Variants in ATG5 observed in about 807,000 individuals in gnomAD.
ATG5 encodes autophagy protein 5.
In ATG5, 14 loss-of-function variants were observed where a neutral mutation model predicts 36.5. That is an observed-to-expected ratio of 0.38 (90% CI 0.25 to 0.60). The LOEUF is 0.60. Ranked by LOEUF, ATG5 falls within the 20% of genes least tolerant of loss-of-function variation. The pLI, the probability that ATG5 is intolerant of heterozygous loss-of-function variation, is 0.60. For missense variants in ATG5, 195 were observed against 326.7 expected (o/e 0.60, Z 3.11); for synonymous variants, 95 against 101.5 (o/e 0.94, Z 0.38).
chr6:106,228,784 T>A (rs1260211117), intron 6 of ATG5, among the ~76,000 whole-genome samples: 1 of 152,200 alleles, frequency 6.6e-6, no homozygotes, highest in African/African-American at 2.4e-5. Context: ...TTAAAAACGA[T>A]TAGCATGGCC....
Position 106,317,263 on chromosome 6 carries a change from T to A in ATG5, c.-58-997A>T, listed in dbSNP as rs534566110. The stretch of plus-strand genomic sequence containing the variant: ...TGGATACTAAGATTCAATATACTTA[T>A]CCAAATAATATTTCTCATCTTTGAT... On this transcript the variant is annotated intron_variant, in intron 1 of 7. Coordinates refer to ENST00000369076, the MANE Select transcript of ATG5 (RefSeq NM_004849.4). Among the ~76,000 whole-genome samples the A allele has an allele frequency of 5.9e-5, 9 of 152,336 alleles. No individual in the cohort carries two copies. In the East Asian group the frequency reaches 1.7e-3, roughly 29 times the overall value.
chr6:106,313,359 T>C (rs1770723314), intron 2 of ATG5, among the ~76,000 whole-genome samples: 1 of 152,178 alleles, frequency 6.6e-6, no homozygotes, highest in African/African-American at 2.4e-5. Context: ...GACATAGTCA[T>C]AGTGGAATAG....
intron 7 of ATG5, among the ~76,000 whole-genome samples, chr6:106,189,598 G>A (rs1350979224): frequency 2.0e-5 from 3 of 150,460 alleles, no homozygotes; most frequent in African/African-American, 7.3e-5. Flanking sequence ...TACAGCATGG[G>A]TAACAAGTGA....
intron 6 of ATG5, among the ~76,000 whole-genome samples, chr6:106,225,066 A>C (rs1194109366): frequency 6.6e-6 from 1 of 152,278 alleles, no homozygotes; most frequent in African/African-American, 2.4e-5. Flanking sequence ...AACATCTAAT[A>C]ATTCCAGCTA....
At chr6:106,289,851 T>C (rs1379870820) in intron 4 of ATG5, among the ~76,000 whole-genome samples, 1 of 152,190 alleles carries the variant, frequency 6.6e-6, no homozygotes, top group African/African-American at 2.4e-5. Flanking sequence ...AACCAATGGA[T>C]TACCTTAAAC....
At chr6:106,298,945 T>C (rs1026357419) in intron 3 of ATG5, among the ~76,000 whole-genome samples, 1 of 152,242 alleles carries the variant, frequency 6.6e-6, no homozygotes, top group Non-Finnish European at 1.5e-5. Context: ...TTTGTACAAG[T>C]CTTCTAAACA....
At chr6:106,247,969 C>T (rs531702742) in intron 6 of ATG5, among the ~76,000 whole-genome samples, 181 bp downstream of exon 6, 4 of 152,314 alleles carry the variant, frequency 2.6e-5, no homozygotes, top group African/African-American at 7.2e-5. Context: ...GTACCAAATG[C>T]ATATGAGTCA....
chr6:106,293,093 C>A lies in ATG5; in HGVS notation c.250G>T (p.Gly84Cys). The change falls in exon 4 of 8, where the codon GGT becomes TGT. Residue 84 changes from glycine (G) to cysteine (C), a missense_variant. Gly to Cys is a radical substitution (Grantham distance 159, BLOSUM62 -3). Transcript: ENST00000369076. The stretch of plus-strand genomic sequence containing the variant: ...GATGCAAGAAGATCAAATAGCAAAC[C>A]AATTGGATAATGCCTAAAAATGAAA... ...GTPLKWHYPI[G>C]LLFDLLASSS... is the part of the protein sequence containing the mutation. 6.2e-7 allele frequency: 1 copy of A among 1,612,832 alleles called. No individual in the cohort carries two copies. The highest frequency in any genetic ancestry group is 1.3e-5 in the African/African-American group (1 of 75,012).
intron 6 of ATG5, among the ~76,000 whole-genome samples, chr6:106,209,639 T>G (rs550807893): frequency 6.6e-6 from 1 of 152,308 alleles, no homozygotes; most frequent in South Asian, 2.1e-4. Flanking sequence ...TGATAAAGAT[T>G]GCATAGAACT....
chr6:106,202,985 G>C (rs964505410), intron 6 of ATG5, among the ~76,000 whole-genome samples: 1 of 152,098 alleles, frequency 6.6e-6, no homozygotes, highest in Non-Finnish European at 1.5e-5. Context: ...CCATCTAATG[G>C]TTGAGAGAGA....
chr6:106,310,952 A>C (rs919256068), intron 2 of ATG5, among the ~76,000 whole-genome samples: 1 of 152,234 alleles, frequency 6.6e-6, no homozygotes, highest in Non-Finnish European at 1.5e-5. Flanking sequence ...CCCTAGTATA[A>C]AGTATTCCAT....
chr6:106,279,694 C>CT lies in ATG5; in HGVS notation c.444dup (p.Asp149ArgfsTer12). The CT allele has an allele frequency of 1.2e-6, 2 of 1,602,100 alleles. No homozygotes were observed. Among genetic ancestry groups the CT allele is most frequent in the South Asian group, 2.3e-5 (2 of 87,870 alleles). ...AATCCCATCCAGAGTTGCTTGTGAT[C>CT]TTTTTTCTGCATTTCATTGATTACT... is the stretch of plus-strand genomic sequence containing the variant. On this transcript the variant is annotated frameshift_variant, in exon 5 of 8. Coordinates refer to ENST00000369076, the MANE Select transcript of ATG5 (RefSeq NM_004849.4). LOFTEE classifies it high-confidence loss of function.
intron 6 of ATG5, among the ~76,000 whole-genome samples, chr6:106,241,126 C>T (rs1778107517): frequency 6.6e-6 from 1 of 152,172 alleles, no homozygotes; most frequent in Non-Finnish European, 1.5e-5. Flanking sequence ...GCATTCCAGT[C>T]CAGGTGACAG....
chr6:106,216,930 T>C (rs1443128933), intron 6 of ATG5, among the ~76,000 whole-genome samples: 3 of 151,564 alleles, frequency 2.0e-5, no homozygotes, highest in Non-Finnish European at 4.4e-5. Flanking sequence ...ACCTCTGTAG[T>C]ATTGAGATTA....
chr6:106,290,769 T>C (rs1163674399), intron 4 of ATG5, among the ~76,000 whole-genome samples: 3 of 152,236 alleles, frequency 2.0e-5, no homozygotes, highest in East Asian at 1.9e-4. Context: ...CATCTGGAAA[T>C]GTTCACTGAT....
intron 5 of ATG5, among the ~76,000 whole-genome samples, chr6:106,263,106 C>T (rs1779091802): frequency 6.6e-6 from 1 of 152,236 alleles, no homozygotes. Flanking sequence ...TTGAAACTCT[C>T]ACTGCCAGCA....
chr6:106,197,000 AC>A (rs931054023), intron 7 of ATG5, among the ~76,000 whole-genome samples: 2 of 151,996 alleles, frequency 1.3e-5, no homozygotes, highest in Non-Finnish European at 2.9e-5. Context: ...ATCAAGGGAG[AC>A]CCCCCACTTA....
At chr6:106,306,904 A>G (rs1337868780) in intron 3 of ATG5, among the ~76,000 whole-genome samples, 1 of 152,186 alleles carries the variant, frequency 6.6e-6, no homozygotes, top group Non-Finnish European at 1.5e-5. Flanking sequence ...GAGGTCTAGA[A>G]CTACACAAGA....
intron 2 of ATG5, among the ~76,000 whole-genome samples, chr6:106,310,697 C>T (rs1263035083): frequency 1.3e-5 from 2 of 152,136 alleles, no homozygotes; most frequent in Non-Finnish European, 2.9e-5. Flanking sequence ...TAAACAGTAG[C>T]TCCCCATTCC....
Sources: gnomAD v4.1 joint callset for allele counts (sites outside exome capture counted in the v4.1 genomes callset) on GRCh38, gnomAD v4.1.1 for gene constraint, MANE v1.5 for transcripts, NCBI Gene and HGNC (gene_info 2026-07-23, HGNC 2026-07-21) for gene names.